The following PCDH17 variants were observed in gnomAD, a reference collection of about 807,000 sequenced individuals.
PCDH17 encodes the protein protocadherin 17.
A neutral mutation model predicts 67.7 loss-of-function variants in PCDH17; 21 were observed. The ratio of observed to expected loss-of-function variants is 0.31; its 90% CI spans 0.22 to 0.45. PCDH17 has a LOEUF of 0.45. PCDH17 is among the 20% of genes least tolerant of loss of function. The pLI is 1.00. For missense variants in PCDH17, 1,471 were observed against 1,564.8 expected, an observed-to-expected ratio of 0.94 and a Z score of 1.01; for synonymous variants, 701 against 656.7, an observed-to-expected ratio of 1.07 and a Z score of -1.03.
chr13:57,652,298 A>AAG (rs1955052392), intron 1 of PCDH17, among the ~76,000 whole-genome samples: 1 of 151,532 alleles, frequency 6.6e-6, no homozygotes, highest in South Asian at 2.1e-4. Context: ...AAAAAAAAAA[A>AAG]AAAAGAACAC....
chr13:57,724,888 T>C lies in PCDH17; in HGVS notation c.3074T>C (p.Leu1025Pro), dbSNP rs1198267761. ...VKPYLKAKRA[L>P]SPLLQEVPSA... ...CCTTATTTAAAAGCCAAACGTGCCCTGAGCCCTCTCCTCCAAGAGGTCCCC... is the reference window on the plus strand; with the variant it reads ...CCTTATTTAAAAGCCAAACGTGCCCCGAGCCCTCTCCTCCAAGAGGTCCCC... The change falls in exon 4 of 4, where the codon CTG becomes CCG. Residue 1025 changes from leucine (L) to proline (P), a missense_variant. Leu to Pro is a moderately conservative substitution (Grantham distance 98). Around this residue, in one of 3 missense-constraint regions of PCDH17, gnomAD observed 297 missense variants for 298.6 expected, o/e 0.99. Transcript: ENST00000377918. 6.2e-6 allele frequency: 10 copies of C among 1,614,218 alleles called. No individual in the cohort carries two copies. Among genetic ancestry groups the C allele is most frequent in the Non-Finnish European group, 7.6e-6 (9 of 1,180,026 alleles).
At chr13:57,715,629 G>A (rs1673371159) in intron 3 of PCDH17, among the ~76,000 whole-genome samples, 1 of 151,730 alleles carries the variant, frequency 6.6e-6, no homozygotes, top group African/African-American at 2.4e-5. Context: ...TCTTTATATG[G>A]TGTATCAAAA....
At chr13:57,711,081 A>T (rs779459545) in intron 3 of PCDH17, among the ~76,000 whole-genome samples, 1 of 151,984 alleles carries the variant, frequency 6.6e-6, no homozygotes. Flanking sequence ...TAGTTGGGAA[A>T]AGTGTTATAT....
At chr13:57,671,874 C>T (rs959615544) in intron 3 of PCDH17, among the ~76,000 whole-genome samples, 5 of 151,948 alleles carry the variant, frequency 3.3e-5, no homozygotes, top group Admixed American at 1.3e-4. Context: ...TTTGGGTGGC[C>T]GGCCGTCAGT....
rs1185128444 is a variant in PCDH17, at chr13:57,666,849, C to T, written c.2797+16C>T. ...CTTGAACAAGGTGAGTGAAGTCTTCCAATGCTTACAAAGTGTAAAGCTTAA... is the reference window on the plus strand; with the variant it reads ...CTTGAACAAGGTGAGTGAAGTCTTCTAATGCTTACAAAGTGTAAAGCTTAA... On this transcript the variant is annotated intron_variant, in intron 3 of 3. Transcript: ENST00000377918. The T allele has an allele frequency of 3.2e-6, 5 of 1,585,240 alleles. No individual in the cohort carries two copies. In the African/African-American group the frequency reaches 5.4e-5, roughly 17 times the overall value.
intron 3 of PCDH17, among the ~76,000 whole-genome samples, chr13:57,719,720 G>A (rs1162051132): frequency 6.6e-6 from 1 of 151,992 alleles, no homozygotes; most frequent in Non-Finnish European, 1.5e-5. Flanking sequence ...GAATAAAGAG[G>A]TAGATTCTCT....
At chr13:57,710,230 A>G (rs1214585103) in intron 3 of PCDH17, among the ~76,000 whole-genome samples, 2 of 151,852 alleles carry the variant, frequency 1.3e-5, no homozygotes, top group African/African-American at 4.8e-5. Context: ...TCACCTGAGA[A>G]ACTGAGTCCC....
chr13:57,633,965 C>G lies in PCDH17; in HGVS notation c.1419C>G (p.Thr473=). ...AGAACGACAACCCGCCTCGGTTCAC[C>G]AAAGGGCTCTACGTGCTTCAGGTGC... ...LDENDNPPRF[T]KGLYVLQVHE... Residue 473 remains threonine, a synonymous_variant, in exon 1 of 4, where the codon ACC becomes ACG. Coordinates refer to ENST00000377918, the MANE Select transcript of PCDH17 (RefSeq NM_001040429.3). This position sits in a 1 kb window ranked among gnomAD's most constrained non-coding sequence, Gnocchi z 6.2. 6.2e-7 allele frequency: 1 copy of G among 1,613,614 alleles called. No individual in the cohort carries two copies. The highest frequency in any genetic ancestry group is 8.5e-7 in the Non-Finnish European group (1 of 1,180,020).
chr13:57,645,292 G>A (rs751035854), intron 1 of PCDH17, among the ~76,000 whole-genome samples: 1 of 151,630 alleles, frequency 6.6e-6, no homozygotes, highest in Non-Finnish European at 1.5e-5. Context: ...GATTGTCACT[G>A]TAGTTGAAAT....
intron 3 of PCDH17, among the ~76,000 whole-genome samples, chr13:57,690,456 T>C (rs576647955): frequency 6.6e-6 from 1 of 151,840 alleles, no homozygotes; most frequent in Non-Finnish European, 1.5e-5. Context: ...AAAGGTTCTT[T>C]ATCTAATTAG....
intron 3 of PCDH17, among the ~76,000 whole-genome samples, chr13:57,708,965 A>G (rs1332021615): frequency 1.3e-5 from 2 of 151,822 alleles, no homozygotes; most frequent in Non-Finnish European, 2.9e-5. Flanking sequence ...TGTACATAAT[A>G]TATCTAAGTT....
chr13:57,691,405 G>T (rs1955557196), intron 3 of PCDH17, among the ~76,000 whole-genome samples: 1 of 150,958 alleles, frequency 6.6e-6, no homozygotes, highest in Non-Finnish European at 1.5e-5. Context: ...TGAACTTATG[G>T]CCAGCCTAAT....
chr13:57,657,610 C>A (rs905352493), intron 1 of PCDH17, among the ~76,000 whole-genome samples: 1 of 152,148 alleles, frequency 6.6e-6, no homozygotes, highest in African/African-American at 2.4e-5. Flanking sequence ...TCTTAACACT[C>A]CCTTGTGTTC....
chr13:57,651,477 T>G (rs1479540186), intron 1 of PCDH17, among the ~76,000 whole-genome samples: 2 of 150,804 alleles, frequency 1.3e-5, no homozygotes, highest in East Asian at 3.9e-4. Flanking sequence ...AGCTGTTACT[T>G]CAGGCATGTG....
chr13:57,677,821 T>C (rs1955409292), intron 3 of PCDH17, among the ~76,000 whole-genome samples: 1 of 151,888 alleles, frequency 6.6e-6, no homozygotes, highest in Non-Finnish European at 1.5e-5. Context: ...CTGCATGATC[T>C]CACTCATGTG....
rs1954973019 is a variant in PCDH17, at chr13:57,646,947, A to T, written c.2565+11836A>T. ...TCAAAATAAGTCTTGGTTACATGTT[A>T]CTACAAGAAGCCCTGTGTGCCAGGA... On this transcript the variant is annotated intron_variant, in intron 1 of 3. Transcript: ENST00000377918. Among the ~76,000 whole-genome samples the T allele has an allele frequency of 2.0e-5, 3 of 151,980 alleles. 1 individual carries two copies. In the South Asian group the frequency reaches 6.2e-4, roughly 31 times the overall value.
In PCDH17 at chr13:57,725,315, A is replaced by G. The variant is rs773736647; in HGVS notation, c.*21A>G. The G allele has an allele frequency of 6.5e-7, 1 of 1,547,060 alleles. No individual in the cohort carries two copies. The highest frequency in any genetic ancestry group is 8.8e-7 in the Non-Finnish European group (1 of 1,136,814). On this transcript the variant is annotated 3_prime_UTR_variant, in exon 4 of 4. Transcript: ENST00000377918. Reference sequence around the variant, plus strand: ...AGTGAAAAAAGAAAAAAAAAAAGGCATTGGCATTTTCTTGTCTCTTCTGTT... The same window carrying G: ...AGTGAAAAAAGAAAAAAAAAAAGGCGTTGGCATTTTCTTGTCTCTTCTGTT...
intron 3 of PCDH17, among the ~76,000 whole-genome samples, chr13:57,699,021 A>C (rs1955637703): frequency 2.6e-5 from 4 of 152,026 alleles, no homozygotes; most frequent in African/African-American, 4.8e-5. Flanking sequence ...ACAACTGTTT[A>C]GCTCAAGGCA....
chr13:57,650,351 T>C (rs1250543524), intron 1 of PCDH17, among the ~76,000 whole-genome samples: 1 of 151,650 alleles, frequency 6.6e-6, no homozygotes, highest in Non-Finnish European at 1.5e-5. Context: ...GCTGGTCTAC[T>C]GCCTTTTGGA....
Sources: allele counts gnomAD v4.1 joint callset (sites outside exome capture counted in the v4.1 genomes callset), GRCh38; gene constraint gnomAD v4.1.1; regional missense constraint gnomAD v4.1.1; non-coding constraint Gnocchi (gnomAD v3.1); transcripts MANE v1.5; gene names NCBI Gene and HGNC (gene_info 2026-07-23, HGNC 2026-07-21).